The following HS3ST2 variants were observed in gnomAD, a reference collection of about 807,000 sequenced individuals.
HS3ST2 encodes the protein heparan sulfate glucosamine 3-O-sulfotransferase 2.
A neutral mutation model predicts 26.3 loss-of-function variants in HS3ST2; 17 were observed. That is an observed-to-expected ratio of 0.65 (90% CI 0.44 to 0.97). The LOEUF (loss-of-function observed/expected upper bound fraction) is 0.97, where lower values mean the gene tolerates loss of function less well. Ranked by LOEUF, HS3ST2 falls within the 50% of genes least tolerant of loss-of-function variation. The pLI, the probability that HS3ST2 is intolerant of heterozygous loss-of-function variation, is 0.00. For synonymous variants in HS3ST2, 237 were observed against 219.2 expected (o/e 1.08, Z -0.72); for missense variants, 402 against 501.2 (o/e 0.80, Z 1.89).
intron 1 of HS3ST2, among the ~76,000 whole-genome samples, chr16:22,852,406 A>G (rs61357873): frequency 0.01 from 1,572 of 152,346 alleles, 18 homozygotes; most frequent in African/African-American, 0.036. Context: ...AGGCAAGCTC[A>G]GTAAATGGTT....
chr16:22,872,601 T>C (rs1274460749), intron 1 of HS3ST2, among the ~76,000 whole-genome samples: 1 of 152,130 alleles, frequency 6.6e-6, no homozygotes, highest in African/African-American at 2.4e-5. Flanking sequence ...CCCTCTAGGG[T>C]TCCCCACCAG....
At chr16:22,872,609 C>A (rs1901853357) in intron 1 of HS3ST2, among the ~76,000 whole-genome samples, 1 of 152,124 alleles carries the variant, frequency 6.6e-6, no homozygotes, top group Admixed American at 6.5e-5. Flanking sequence ...GGTTCCCCAC[C>A]AGCCCCACCC....
At chr16:22,826,916 T>A (rs1901094847) in intron 1 of HS3ST2, among the ~76,000 whole-genome samples, 2 of 151,894 alleles carry the variant, frequency 1.3e-5, no homozygotes, top group South Asian at 4.2e-4. Flanking sequence ...TTCTACAGGG[T>A]AGGAAGGAGA....
chr16:22,829,189 G>A (rs184338013), intron 1 of HS3ST2, among the ~76,000 whole-genome samples: 14 of 152,318 alleles, frequency 9.2e-5, no homozygotes, highest in African/African-American at 3.1e-4. Flanking sequence ...TGGGAACAGT[G>A]GCCAAGCTGC....
At chr16:22,887,597 C>T (rs552023555) in intron 1 of HS3ST2, among the ~76,000 whole-genome samples, 1 of 152,300 alleles carries the variant, frequency 6.6e-6, no homozygotes, top group South Asian at 2.1e-4. Context: ...ACTATTTACA[C>T]AGCTGCAGGC....
At chr16:22,831,180 A>G (rs1393551811) in intron 1 of HS3ST2, among the ~76,000 whole-genome samples, 1 of 152,252 alleles carries the variant, frequency 6.6e-6, no homozygotes, top group Non-Finnish European at 1.5e-5. Context: ...TTATCTTCTA[A>G]TGATGTGATT....
intron 1 of HS3ST2, among the ~76,000 whole-genome samples, chr16:22,880,117 CTTCTTTCCAA>C (rs542854431): frequency 0.01 from 1,530 of 152,260 alleles, 30 homozygotes; most frequent in African/African-American, 0.034. Flanking sequence ...CTTGATTTGT[CTTCTTTCCAA>C]TAAAAGTGTG....
chr16:22,905,624 GCTTA>G (rs1206047399), intron 1 of HS3ST2, among the ~76,000 whole-genome samples: 2 of 151,966 alleles, frequency 1.3e-5, no homozygotes, highest in African/African-American at 4.8e-5. Context: ...TTTTCTGAAC[GCTTA>G]CTAAGTACCA....
chr16:22,820,169 A>G (rs374469254), intron 1 of HS3ST2, among the ~76,000 whole-genome samples: 1 of 149,502 alleles, frequency 6.7e-6, no homozygotes, highest in South Asian at 2.1e-4. Context: ...GAGTCCATAA[A>G]CCCCCCCCCA....
intron 1 of HS3ST2, among the ~76,000 whole-genome samples, chr16:22,843,010 C>T (rs953598381): frequency 2.0e-5 from 3 of 152,068 alleles, no homozygotes; most frequent in African/African-American, 7.2e-5. Flanking sequence ...TTTTAAATTG[C>T]TCTAGTATCT....
chr16:22,820,048 A>G (rs547329066), intron 1 of HS3ST2, among the ~76,000 whole-genome samples: 9 of 152,226 alleles, frequency 5.9e-5, no homozygotes, highest in Non-Finnish European at 1.3e-4. Context: ...ACACCCACAC[A>G]TGTGCACCTG....
intron 1 of HS3ST2, among the ~76,000 whole-genome samples, chr16:22,903,868 C>G (rs184350363): frequency 6.6e-6 from 1 of 152,300 alleles, no homozygotes; most frequent in Non-Finnish European, 1.5e-5. Context: ...ATTACCCTTT[C>G]TTCTCACCAT....
intron 1 of HS3ST2, among the ~76,000 whole-genome samples, chr16:22,848,443 A>T (rs1449657579): frequency 6.6e-6 from 1 of 152,178 alleles, no homozygotes; most frequent in East Asian, 1.9e-4. Context: ...TTTTGAACAG[A>T]CATTAACTGA....
At chr16:22,875,893 T>A (rs1901908332) in intron 1 of HS3ST2, among the ~76,000 whole-genome samples, 1 of 152,226 alleles carries the variant, frequency 6.6e-6, no homozygotes, top group Admixed American at 6.5e-5. Context: ...GTTCCCAATG[T>A]GTTACAGTTG....
chr16:22,827,242 A>G (rs1256774136), intron 1 of HS3ST2, among the ~76,000 whole-genome samples: 1 of 152,184 alleles, frequency 6.6e-6, no homozygotes, highest in East Asian at 1.9e-4. Context: ...GGAGTGCCCA[A>G]GAAGTGCACA....
At chr16:22,829,591 G>A (rs1417479165) in intron 1 of HS3ST2, among the ~76,000 whole-genome samples, 1 of 152,070 alleles carries the variant, frequency 6.6e-6, no homozygotes, top group Non-Finnish European at 1.5e-5. Context: ...GGGTCAAACA[G>A]GACATGTCTG....
In HS3ST2 at chr16:22,905,028, C is replaced by G. The variant is rs1244960572; in HGVS notation, c.486-9916C>G. 2.0e-5 allele frequency among the ~76,000 whole-genome samples: 3 copies of G among 152,198 alleles called. No homozygotes were observed. In the East Asian group the frequency reaches 5.8e-4, roughly 29 times the overall value. The stretch of plus-strand genomic sequence containing the variant: ...CCAGTTTCTTGCAATAAGGCCTTTT[C>G]CCTCCTCTTCCGCTCTTAATTATCT... On this transcript the variant is annotated intron_variant, in intron 1 of 1. Transcript: ENST00000261374.
chr16:22,839,036 G>A (rs986311697), intron 1 of HS3ST2, among the ~76,000 whole-genome samples: 10 of 152,194 alleles, frequency 6.6e-5, no homozygotes, highest in Non-Finnish European at 1.2e-4. Context: ...TTAACATGGT[G>A]CATATCCCTG....
intron 1 of HS3ST2, among the ~76,000 whole-genome samples, chr16:22,885,747 C>T (rs919355665): frequency 1.3e-5 from 2 of 152,112 alleles, no homozygotes; most frequent in Admixed American, 6.5e-5. Flanking sequence ...TGAGCCACTG[C>T]GCCCAGCCTA....
Sources: gnomAD v4.1 joint callset for allele counts (sites outside exome capture counted in the v4.1 genomes callset) on GRCh38, gnomAD v4.1.1 for gene constraint, MANE v1.5 for transcripts, NCBI Gene and HGNC (gene_info 2026-07-23, HGNC 2026-07-21) for gene names.